The following PCDHA4 variants were observed in gnomAD, a reference collection of about 807,000 sequenced individuals.
PCDHA4 encodes the protein protocadherin alpha-4.
In PCDHA4, 49 loss-of-function variants were observed where a neutral mutation model predicts 61.4. The observed-to-expected ratio is 0.80, with a 90% CI of 0.63 to 1.01. PCDHA4 has a LOEUF of 1.01. PCDHA4 is among the 50% of genes least tolerant of loss of function. The probability of loss-of-function intolerance (pLI) is 0.00; values close to 1 mark genes in which losing one functional copy is unlikely to be tolerated. For missense variants in PCDHA4, 1,254 were observed against 1,235.8 expected (o/e 1.01, Z -0.22); for synonymous variants, 590 against 550.3 (o/e 1.07, Z -1.01).
At chr5:140,834,318 A>T in intron 1 of PCDHA4, 1 of 1,413,328 alleles carries the variant, frequency 7.1e-7, no homozygotes, top group South Asian at 1.4e-5. Context: ...AAATGAAGGG[A>T]TAAAAACATT....
rs1554131612 is a variant in PCDHA4, at chr5:140,828,869, A to G, written c.2385+19297A>G. The G allele has an allele frequency of 3.1e-6, 5 of 1,614,138 alleles. No homozygotes were observed. Among genetic ancestry groups the G allele is most frequent in the Admixed American group, 1.7e-5 (1 of 60,016 alleles). On this transcript the variant is annotated intron_variant, in intron 1 of 3. Coordinates refer to ENST00000530339, the MANE Select transcript of PCDHA4 (RefSeq NM_018907.4). ...ATTCGAAAATGCAGACAACGGAACA[A>G]CAGTTATCAGACTGAATGCTTCTGA...
At position 140,870,848 on chromosome 5, in the gene PCDHA4, G is replaced by C. The variant is rs368769297; in HGVS notation, c.2385+61276G>C. The C allele has an allele frequency of 2.2e-5, 35 of 1,613,876 alleles. No homozygotes were observed. In the African/African-American group the frequency reaches 3.3e-4, roughly 15 times the overall value. ...GGCGCAGTTAACAAGCTAGTACCGCGGTCGGTGGGTGCGGGCCACGTGGTG... is the reference window on the plus strand; with the variant it reads ...GGCGCAGTTAACAAGCTAGTACCGCCGTCGGTGGGTGCGGGCCACGTGGTG... On this transcript the variant is annotated intron_variant, in intron 1 of 3. Transcript: ENST00000530339.
intron 1 of PCDHA4, among the ~76,000 whole-genome samples, chr5:140,881,751 A>C (rs974973794): frequency 2.0e-5 from 3 of 152,206 alleles, no homozygotes; most frequent in African/African-American, 7.2e-5. Context: ...GGACAGTACC[A>C]CAAAAACCTA....
intron 1 of PCDHA4, among the ~76,000 whole-genome samples, chr5:140,878,502 G>A (rs782817563): frequency 2.0e-5 from 3 of 152,028 alleles, no homozygotes; most frequent in Admixed American, 6.5e-5. Flanking sequence ...CCATCTGTAC[G>A]ATACAGTACA....
At position 140,883,588 on chromosome 5, in the gene PCDHA4, C is replaced by A. The variant is rs781923113; in HGVS notation, c.2385+74016C>A. 5.6e-6 allele frequency: 9 copies of A among 1,613,794 alleles called. No homozygotes were observed. In the East Asian group the frequency reaches 6.7e-5, roughly 12 times the overall value. ...CGCCTTCGCTGTGGGCCACGGCCAG[C>A]GTGTCGGTGGGGGTGGCCGACGTGA... is the stretch of plus-strand genomic sequence containing the variant. On this transcript the variant is annotated intron_variant, in intron 1 of 3. Coordinates refer to ENST00000530339, the MANE Select transcript of PCDHA4 (RefSeq NM_018907.4).
chr5:140,841,770 C>G (rs148555729), intron 1 of PCDHA4: 4 of 1,613,798 alleles, frequency 2.5e-6, no homozygotes, highest in African/African-American at 1.3e-5. Flanking sequence ...ATGCCAGACT[C>G]TCGGTTTCCG....
chr5:140,967,023 G>A, intron 1 of PCDHA4: 1 of 1,608,160 alleles, frequency 6.2e-7, no homozygotes, highest in South Asian at 1.1e-5. Context: ...GGTGCGCCCA[G>A]TCCGCGCTAC....
At chr5:140,912,679 T>C (rs367681467) in intron 1 of PCDHA4, among the ~76,000 whole-genome samples, 6 of 152,216 alleles carry the variant, frequency 3.9e-5, no homozygotes, top group African/African-American at 1.4e-4. Context: ...CCTTGACTTA[T>C]TCCAGGTCTC....
At chr5:140,856,118 G>T in intron 1 of PCDHA4, 2 of 1,598,234 alleles carry the variant, frequency 1.3e-6, no homozygotes, top group Non-Finnish European at 1.7e-6. Flanking sequence ...CGCAGCCTGG[G>T]AGGTGGGGAG....
intron 3 of PCDHA4, among the ~76,000 whole-genome samples, chr5:141,003,283 G>A (rs1331116001): frequency 3.3e-5 from 5 of 152,188 alleles, no homozygotes; most frequent in African/African-American, 1.2e-4. Flanking sequence ...GCCCAAATTG[G>A]ATTATAGGAT....
chr5:140,891,426 C>A lies in PCDHA4; in HGVS notation c.2385+81854C>A, dbSNP rs76102230. On this transcript the variant is annotated intron_variant, in intron 1 of 3. Transcript: ENST00000530339. ...CCACCCCCCACTCTTGCCCCCAAGTCCCCAACGTCCATTGTATAGGATTTT... is the reference window on the plus strand; with the variant it reads ...CCACCCCCCACTCTTGCCCCCAAGTACCCAACGTCCATTGTATAGGATTTT... Among the ~76,000 whole-genome samples, 774 of 148,652 alleles carry A rather than the reference C, an allele frequency of 5.2e-3. 4 individuals are homozygous for A. Among genetic ancestry groups the A allele is most frequent in the African/African-American group, 0.018 (747 of 40,514 alleles).
At chr5:140,971,807 T>C in intron 1 of PCDHA4, among the ~76,000 whole-genome samples, 1 of 152,270 alleles carries the variant, frequency 6.6e-6, no homozygotes, top group Middle Eastern at 3.4e-3. Context: ...TATTATAATA[T>C]TGAATACATA....
At chr5:140,938,876 A>AAC (rs142461507) in intron 1 of PCDHA4, among the ~76,000 whole-genome samples, 11 of 151,144 alleles carry the variant, frequency 7.3e-5, no homozygotes, top group South Asian at 2.1e-4. Context: ...GTTAAGAAGC[A>AAC]ACACACACAC....
rs114370861 is a variant in PCDHA4 at position 140,845,840 on chromosome 5, G to A, written c.2385+36268G>A. 5.2e-3 allele frequency among the ~76,000 whole-genome samples: 775 copies of A among 149,794 alleles called. 45 individuals are homozygous for A. Among genetic ancestry groups the A allele is most frequent in the African/African-American group, 0.018 (745 of 40,934 alleles). On this transcript the variant is annotated intron_variant, in intron 1 of 3. Transcript: ENST00000530339. The stretch of plus-strand genomic sequence containing the variant: ...AAAATTTAGTTATTACCATTCTTAA[G>A]AGAAAAGAAGTTAGTGATTGCAGAA...
chr5:140,873,998 C>T (rs2054625298), intron 1 of PCDHA4, among the ~76,000 whole-genome samples: 1 of 152,166 alleles, frequency 6.6e-6, no homozygotes, highest in Non-Finnish European at 1.5e-5. Context: ...ATGTATGGTA[C>T]ATTGACCACT....
intron 1 of PCDHA4, among the ~76,000 whole-genome samples, chr5:140,827,148 G>A (rs1339537792): frequency 6.6e-6 from 1 of 152,156 alleles, no homozygotes; most frequent in African/African-American, 2.4e-5. Flanking sequence ...AAGGGATGCA[G>A]ATATGGATTT....
chr5:140,884,568 C>T (rs2060268107), intron 1 of PCDHA4: 2 of 1,614,210 alleles, frequency 1.2e-6, no homozygotes, highest in Non-Finnish European at 1.7e-6. Flanking sequence ...CCGCATAAGA[C>T]GGACCTCATG....
intron 1 of PCDHA4, chr5:140,870,165 G>T (rs1223679164): frequency 1.2e-6 from 2 of 1,614,138 alleles, no homozygotes; most frequent in Non-Finnish European, 1.7e-6. Context: ...TGACTTCCTT[G>T]TCCCTCCCAG....
At chr5:140,823,162 G>A (rs2150122942) in intron 1 of PCDHA4, 13 of 1,613,938 alleles carry the variant, frequency 8.1e-6, no homozygotes, top group Non-Finnish European at 1.0e-5. Context: ...TACCGTGTTC[G>A]TGAAGGAGAA....
Sources: allele counts gnomAD v4.1 joint callset (sites outside exome capture counted in the v4.1 genomes callset), GRCh38; gene constraint gnomAD v4.1.1; transcripts MANE v1.5; gene names NCBI Gene and HGNC (gene_info 2026-07-23, HGNC 2026-07-21).